Variants in ATIC observed in about 807,000 individuals in gnomAD.
The protein encoded by ATIC is bifunctional purine biosynthesis protein ATIC.
ATIC carries 64 observed loss-of-function variants against 72.5 expected under a neutral mutation model. The ratio of observed to expected loss-of-function variants is 0.88; its 90% CI spans 0.72 to 1.09. The LOEUF (loss-of-function observed/expected upper bound fraction) is 1.09, where lower values mean the gene tolerates loss of function less well. ATIC is among the 50% of genes least tolerant of loss of function. The pLI, the probability that ATIC is intolerant of heterozygous loss-of-function variation, is 0.00. For synonymous variants in ATIC, 281 were observed against 267.1 expected (o/e 1.05, Z -0.51); for missense variants, 787 against 732.4 (o/e 1.07, Z -0.86).
At position 215,312,299 on chromosome 2, in the gene ATIC, CG is replaced by C. The variant is rs541940687; in HGVS notation, c.19+141del. 38 of 1,442,462 alleles carry C rather than the reference CG, an allele frequency of 2.6e-5. No individual in the cohort carries two copies. In the African/African-American group the frequency reaches 5.0e-4, roughly 19 times the overall value. 89.4% of individuals were successfully genotyped at this position (1,442,462 alleles called of 1,614,324 possible). A position where few individuals can be genotyped will look rare whatever the true frequency, so the allele number is the denominator to read the frequency against. On this transcript the variant is annotated intron_variant, in intron 1 of 15. Coordinates refer to ENST00000236959, the MANE Select transcript of ATIC (RefSeq NM_004044.7). ...AAAGCCAGCGTCCCCGCTCCCCGGC[CG>C]GGCCGCAGCCTGCGTGGGGCCCGCC...
At chr2:215,342,058 G>T (rs2053025237) in intron 12 of ATIC, among the ~76,000 whole-genome samples, 1 of 152,108 alleles carries the variant, frequency 6.6e-6, no homozygotes, top group Admixed American at 6.5e-5. Context: ...AGAACTACAT[G>T]GGGGAAACTG....
the ATIC span, chr2:215,364,811 C>T: frequency 9.6e-7 from 1 of 1,041,854 alleles, no homozygotes. Context: ...GTGTGTACGA[C>T]ACATCCTTGC....
chr2:215,339,502 C>A (rs1417828180), intron 12 of ATIC, among the ~76,000 whole-genome samples: 1 of 152,184 alleles, frequency 6.6e-6, no homozygotes, highest in Non-Finnish European at 1.5e-5. Context: ...GGTGACAGAA[C>A]AAGATCCTAT....
intron 7 of ATIC, among the ~76,000 whole-genome samples, chr2:215,330,233 A>G (rs2052876349): frequency 6.6e-6 from 1 of 152,096 alleles, no homozygotes; most frequent in Non-Finnish European, 1.5e-5. Context: ...TCTATTGTTT[A>G]CTATTTATTG....
At chr2:215,324,008 C>T (rs2106003813) in intron 4 of ATIC, among the ~76,000 whole-genome samples, 1 of 152,220 alleles carries the variant, frequency 6.6e-6, no homozygotes, top group South Asian at 2.1e-4. Flanking sequence ...TTGATCCATC[C>T]TCCTGAGCCT....
downstream of ATIC, among the ~76,000 whole-genome samples, chr2:215,350,015 G>T (rs1171344582): frequency 2.0e-5 from 3 of 152,142 alleles, no homozygotes; most frequent in Non-Finnish European, 4.4e-5. Context: ...TCTTAAAGGT[G>T]GAGTATTGAT....
chr2:215,339,986 C>T (rs1401452853), intron 12 of ATIC, among the ~76,000 whole-genome samples: 3 of 149,498 alleles, frequency 2.0e-5, no homozygotes, highest in Non-Finnish European at 3.0e-5. Flanking sequence ...CTTTGAAGCT[C>T]GCTCTGTTTG....
intron 9 of ATIC, among the ~76,000 whole-genome samples, chr2:215,333,892 A>G (rs1473737671): frequency 6.6e-6 from 1 of 151,796 alleles, no homozygotes; most frequent in African/African-American, 2.4e-5. Context: ...AATACAAAAA[A>G]TTAGCTGGGC....
the ATIC span, chr2:215,361,728 A>T: frequency 9.7e-7 from 1 of 1,028,402 alleles, no homozygotes; most frequent in Non-Finnish European, 1.5e-6. Context: ...CTGCTTATAG[A>T]TAGGATAATA....
chr2:215,335,816 C>T (rs998538703), intron 10 of ATIC, among the ~76,000 whole-genome samples: 14 of 152,086 alleles, frequency 9.2e-5, no homozygotes, highest in Non-Finnish European at 1.3e-4. Flanking sequence ...TAAACTGAAA[C>T]GAACAAAAAC....
chr2:215,365,921 T>G, the ATIC span, among the ~76,000 whole-genome samples: 1 of 150,190 alleles, frequency 6.7e-6, no homozygotes, highest in Admixed American at 6.6e-5. Flanking sequence ...TTATCCTGCC[T>G]CAGCCTCCTG....
At position 215,318,194 on chromosome 2, in the gene ATIC, G is replaced by A; in HGVS notation, c.184G>A (p.Gly62Arg). The A allele has an allele frequency of 6.2e-7, 1 of 1,614,072 alleles. No homozygotes were observed. Among genetic ancestry groups the A allele is most frequent in the Non-Finnish European group, 8.5e-7 (1 of 1,179,980 alleles). Reference protein sequence around the residue: ...SELTGFPEMLGGRVKTLHPAV... With the variant: ...SELTGFPEMLRGRVKTLHPAV... ...GTTGACGGGATTTCCTGAAATGTTGGGGGGACGTGTGAAAACTTTGCATCC... is the reference window on the plus strand; with the variant it reads ...GTTGACGGGATTTCCTGAAATGTTGAGGGGACGTGTGAAAACTTTGCATCC... Residue 62 changes from glycine (G) to arginine (R), a missense_variant, in exon 3 of 16, where the codon GGG (glycine) becomes AGG (arginine). Coordinates refer to ENST00000236959, the MANE Select transcript of ATIC (RefSeq NM_004044.7).
At chr2:215,331,231 G>A (rs1206639149) in intron 7 of ATIC, among the ~76,000 whole-genome samples, 1 of 151,940 alleles carries the variant, frequency 6.6e-6, no homozygotes, top group Non-Finnish European at 1.5e-5. Flanking sequence ...TTTTAAGAGG[G>A]TTGCAGGGAC....
intron 7 of ATIC, among the ~76,000 whole-genome samples, chr2:215,328,439 G>GCGCCTGCTGCTAGCCCCTC: frequency 1.3e-5 from 2 of 152,150 alleles, no homozygotes; most frequent in Non-Finnish European, 2.9e-5. Context: ...AGCTCTCCCT[G>GCGCCTGCTGCTAGCCCCTC]CGCCTGCTGC....
At position 215,328,581 on chromosome 2, in the gene ATIC, C is replaced by A. The variant is rs112483164; in HGVS notation, c.688+1603C>A. Among the ~76,000 whole-genome samples the A allele has an allele frequency of 5.1e-3, 777 of 152,286 alleles. 6 individuals are homozygous for A. The highest frequency in any genetic ancestry group is 0.018 in the African/African-American group (743 of 41,556). On this transcript the variant is annotated intron_variant, in intron 7 of 15. Transcript: ENST00000236959. ...CTGGTTTCTTGTTATTCAGGCCTCA[C>A]CTCCTCAGAGAAGCCTTCCTTGACC... is the stretch of plus-strand genomic sequence containing the variant.
At chr2:215,347,238 C>T (rs559336189) in intron 14 of ATIC, 4 of 420,274 alleles carry the variant, frequency 9.5e-6, no homozygotes, top group South Asian at 8.5e-5. Context: ...CTTTTGATGA[C>T]AAGGACTGCT....
At chr2:215,348,969 TAATAA>T in intron 14 of ATIC, 120 bp from the exon 15 acceptor site, 1 of 694,702 alleles carries the variant, frequency 1.4e-6, no homozygotes, top group East Asian at 3.4e-5. Flanking sequence ...AAAAAAAAAA[TAATAA>T]TAATAATAAA....
At chr2:215,343,462 A>G (rs1476738020) in intron 12 of ATIC, among the ~76,000 whole-genome samples, 3 of 151,878 alleles carry the variant, frequency 2.0e-5, no homozygotes, top group African/African-American at 7.3e-5. Context: ...TCAGCTTCCC[A>G]AGTAGCTGGG....
the ATIC span, among the ~76,000 whole-genome samples, chr2:215,366,832 T>C: frequency 2.0e-5 from 3 of 152,122 alleles, no homozygotes; most frequent in African/African-American, 7.2e-5. Context: ...AACTTAAACG[T>C]AGTTCGATTT....
Sources: allele counts gnomAD v4.1 joint callset (sites outside exome capture counted in the v4.1 genomes callset), GRCh38; gene constraint gnomAD v4.1.1; transcripts MANE v1.5; gene names NCBI Gene and HGNC (gene_info 2026-07-23, HGNC 2026-07-21).